VIPR2: variants seen among roughly 807,000 people sequenced by gnomAD.
VIPR2 encodes vasoactive intestinal peptide receptor 2, also known as vasoactive intestinal polypeptide receptor 2.
A neutral mutation model predicts 58.0 loss-of-function variants in VIPR2; 48 were observed. The ratio of observed to expected loss-of-function variants is 0.83; its 90% CI spans 0.66 to 1.05. The LOEUF is 1.05. Ranked by LOEUF, VIPR2 falls within the 50% of genes least tolerant of loss-of-function variation. The pLI is 0.00. For synonymous variants in VIPR2, 243 were observed against 235.2 expected, an observed-to-expected ratio of 1.03 and a Z score of -0.30; for missense variants, 534 against 558.0, an observed-to-expected ratio of 0.96 and a Z score of 0.43.
rs1585317687 is a variant in VIPR2 at position 159,031,184 on chromosome 7, T to G, written c.1144-395A>C. On this transcript the variant is annotated intron_variant, in intron 12 of 12. Coordinates refer to ENST00000262178, the MANE Select transcript of VIPR2 (RefSeq NM_003382.5). This position sits in a 1 kb window ranked among gnomAD's most constrained non-coding sequence, Gnocchi z 4.0. ...AGGGAATGTTAGCCCTGGGAGGGGG[T>G]GGGGATGAGTGAGGGGTGCCCGGAC... is the stretch of plus-strand genomic sequence containing the variant. Among the ~76,000 whole-genome samples, 2 of 148,296 alleles carry G rather than the reference T, an allele frequency of 1.3e-5. No individual in the cohort carries two copies. The highest frequency in any genetic ancestry group is 2.5e-5 in the African/African-American group (1 of 39,924).
chr7:159,089,906 A>G (rs1280058363), intron 4 of VIPR2, among the ~76,000 whole-genome samples: 2 of 152,264 alleles, frequency 1.3e-5, no homozygotes, highest in Non-Finnish European at 2.9e-5. Context: ...CGTGGAGAGA[A>G]AAGAAGAGCA....
intron 6 of VIPR2, among the ~76,000 whole-genome samples, chr7:159,039,681 A>G (rs531824875): frequency 1.1e-3 from 168 of 152,102 alleles, no homozygotes; most frequent in Non-Finnish European, 2.1e-3. Flanking sequence ...GTGAGGACAC[A>G]GAGAAGTCAG....
chr7:159,103,990 A>G (rs1436001289), intron 3 of VIPR2, 136 bp from the exon 4 acceptor site: 1 of 724,922 alleles, frequency 1.4e-6, no homozygotes, highest in Non-Finnish European at 2.3e-6. Context: ...CAGGACTGCC[A>G]CTCAAAAAAC....
At chr7:159,035,544 C>T (rs887202259) in intron 8 of VIPR2, among the ~76,000 whole-genome samples, 6 of 152,178 alleles carry the variant, frequency 3.9e-5, no homozygotes, top group Admixed American at 2.6e-4. Flanking sequence ...CGCTCTGGGC[C>T]GCATGAGCCA....
chr7:159,132,824 T>C lies in VIPR2; in HGVS notation c.151+9622A>G, dbSNP rs796321945. ...TCAGACAGAATGATTGGCATACCGA[T>C]TGATTTGAGACAGAATGATTGGCAT... is the stretch of plus-strand genomic sequence containing the variant. On this transcript the variant is annotated intron_variant, in intron 2 of 12. Coordinates refer to ENST00000262178, the MANE Select transcript of VIPR2 (RefSeq NM_003382.5). Among the ~76,000 whole-genome samples the C allele has an allele frequency of 2.7e-3, 335 of 125,454 alleles. 4 individuals are homozygous for C. The highest frequency in any genetic ancestry group is 5.0e-3 in the African/African-American group (165 of 32,886). 82.3% of individuals were successfully genotyped at this position (125,454 alleles called of 152,430 possible).
At chr7:159,111,660 A>G (rs1277305973) in intron 2 of VIPR2, among the ~76,000 whole-genome samples, 1 of 148,806 alleles carries the variant, frequency 6.7e-6, no homozygotes, top group Non-Finnish European at 1.5e-5. Flanking sequence ...AGCCTGGGTG[A>G]CAGAGCAAGA....
At chr7:159,082,507 T>C (rs1213397385) in intron 4 of VIPR2, among the ~76,000 whole-genome samples, 1 of 152,144 alleles carries the variant, frequency 6.6e-6, no homozygotes, top group Admixed American at 6.5e-5. Flanking sequence ...TTAGGAGATA[T>C]ACCAAATGCT....
At chr7:159,064,299 C>G (rs572180116) in intron 4 of VIPR2, among the ~76,000 whole-genome samples, 4 of 152,168 alleles carry the variant, frequency 2.6e-5, no homozygotes, top group African/African-American at 9.6e-5. Flanking sequence ...CGACCCTGCA[C>G]CTGGGCCCCG....
chr7:159,061,080 C>A (rs1855618914), intron 4 of VIPR2, among the ~76,000 whole-genome samples: 1 of 152,124 alleles, frequency 6.6e-6, no homozygotes, highest in Non-Finnish European at 1.5e-5. Flanking sequence ...TCCTTTGAAG[C>A]ACCATGGAGG....
chr7:159,051,396 T>C (rs886526268), intron 5 of VIPR2, among the ~76,000 whole-genome samples: 3 of 152,082 alleles, frequency 2.0e-5, no homozygotes, highest in African/African-American at 7.2e-5. Flanking sequence ...GGGTGACAAC[T>C]AGAAGAATAG....
At chr7:159,062,748 T>C (rs1003893093) in intron 4 of VIPR2, among the ~76,000 whole-genome samples, 1 of 152,118 alleles carries the variant, frequency 6.6e-6, no homozygotes, top group Non-Finnish European at 1.5e-5. Flanking sequence ...ACCCAGTGAA[T>C]TGTCTCTACA....
At chr7:159,059,433 G>A (rs539131613) in intron 4 of VIPR2, 54 of 439,820 alleles carry the variant, frequency 1.2e-4, no homozygotes, top group African/African-American at 1.8e-4. Flanking sequence ...CCCTAAGTCC[G>A]TATAAGTACA....
At position 159,094,667 on chromosome 7, in the gene VIPR2, C is replaced by T. The variant is rs73169245; in HGVS notation, c.357+9090G>A. Among the ~76,000 whole-genome samples, 20 of 152,202 alleles carry T rather than the reference C, an allele frequency of 1.3e-4. No individual in the cohort carries two copies. The South Asian group carries it at 3.1e-3, about 24-fold the overall frequency. On this transcript the variant is annotated intron_variant, in intron 4 of 12. Coordinates refer to ENST00000262178, the MANE Select transcript of VIPR2 (RefSeq NM_003382.5). ...GGCTCTGGTGGTGACGTTTTAAAGACGAAGATCCTGCGTGTACACGGCTGT... is the reference window on the plus strand; with the variant it reads ...GGCTCTGGTGGTGACGTTTTAAAGATGAAGATCCTGCGTGTACACGGCTGT...
At chr7:159,089,624 T>TTAGTGATTTCTGTCAGCAAGGAAAC (rs1435999822) in intron 4 of VIPR2, among the ~76,000 whole-genome samples, 6 of 152,252 alleles carry the variant, frequency 3.9e-5, no homozygotes, top group Non-Finnish European at 8.8e-5. Flanking sequence ...TCAATACATA[T>TTAGTGATTTCTGTCAGCAAGGAAAC]TAGTGATTTC....
chr7:159,040,658 C>A (rs1041687984), intron 6 of VIPR2, among the ~76,000 whole-genome samples: 1 of 152,174 alleles, frequency 6.6e-6, no homozygotes, highest in Admixed American at 6.5e-5. Context: ...GGTGTTCTGC[C>A]TGGGAGAATA....
chr7:159,118,095 T>TC (rs1796311373), intron 2 of VIPR2, among the ~76,000 whole-genome samples: 1 of 152,090 alleles, frequency 6.6e-6, no homozygotes, highest in Admixed American at 6.5e-5. Context: ...CATCGAATAC[T>TC]CCCCTTGCAC....
chr7:159,121,111 C>T (rs527378244), intron 2 of VIPR2, among the ~76,000 whole-genome samples: 1 of 152,234 alleles, frequency 6.6e-6, no homozygotes, highest in South Asian at 2.1e-4. Flanking sequence ...ATGCCCAGGG[C>T]GTGAGGAGCT....
At position 159,096,412 on chromosome 7, in the gene VIPR2, G is replaced by A. The variant is rs1191726609; in HGVS notation, c.357+7345C>T. Among the ~76,000 whole-genome samples, 1 of 152,194 alleles carries A rather than the reference G, an allele frequency of 6.6e-6. No individual in the cohort carries two copies. The highest frequency in any genetic ancestry group is 1.5e-5 in the Non-Finnish European group (1 of 68,034). ...TCCTACAGGTCCGCTGCCCTGTGCTGCACATCATCCTGGTGTGCTCCTCCA... is the reference window on the plus strand; with the variant it reads ...TCCTACAGGTCCGCTGCCCTGTGCTACACATCATCCTGGTGTGCTCCTCCA... On this transcript the variant is annotated intron_variant, in intron 4 of 12. Coordinates refer to ENST00000262178, the MANE Select transcript of VIPR2 (RefSeq NM_003382.5). This position sits in a 1 kb window ranked among gnomAD's most constrained non-coding sequence, Gnocchi z 5.5.
At chr7:159,043,198 G>A (rs751488690) in intron 5 of VIPR2, 22 bp from the exon 6 acceptor site, 1 of 1,564,438 alleles carries the variant, frequency 6.4e-7, no homozygotes, top group South Asian at 1.1e-5. Flanking sequence ...GAGTGGGAGA[G>A]AGAGGAATTG....
Sources: gnomAD v4.1 joint callset for allele counts (sites outside exome capture counted in the v4.1 genomes callset) on GRCh38, gnomAD v4.1.1 for gene constraint, Gnocchi (gnomAD v3.1) non-coding constraint, MANE v1.5 for transcripts, NCBI Gene and HGNC (gene_info 2026-07-23, HGNC 2026-07-21) for gene names.